The following RYR3 variants were observed in gnomAD, a reference collection of about 807,000 sequenced individuals.
RYR3 encodes brain ryanodine receptor-calcium release channel.
RYR3 carries 207 observed loss-of-function variants against 584.3 expected under a neutral mutation model. The observed-to-expected ratio is 0.35, with a 90% CI of 0.32 to 0.40. The LOEUF is 0.40. Ranked by LOEUF, RYR3 falls within the 10% of genes least tolerant of loss-of-function variation. The pLI is 1.00. For missense variants in RYR3, 5,616 were observed against 6,089.2 expected (o/e 0.92, Z 2.59); for synonymous variants, 2,416 against 2,248.5 (o/e 1.07, Z -2.11).
intron 36 of RYR3, 65 bp downstream of exon 36, chr15:33,663,802 C>T: frequency 7.3e-7 from 1 of 1,372,172 alleles, no homozygotes; most frequent in South Asian, 1.3e-5. Context: ...TGGAACAGGG[C>T]ACATGAAACC....
At chr15:33,597,533 C>T (rs188090102) in intron 16 of RYR3, among the ~76,000 whole-genome samples, 3 of 151,256 alleles carry the variant, frequency 2.0e-5, no homozygotes, top group Non-Finnish European at 2.9e-5. Context: ...ACCGCTTGAA[C>T]CCGGGAGGCG....
At chr15:33,728,065 TA>T (rs2068616926) in intron 46 of RYR3, among the ~76,000 whole-genome samples, 1 of 152,236 alleles carries the variant, frequency 6.6e-6, no homozygotes. Context: ...ATTTATGATG[TA>T]ATAACTACAG....
chr15:33,660,141 G>A, intron 33 of RYR3, 56 bp from the exon 34 acceptor site: 4 of 1,211,430 alleles, frequency 3.3e-6, no homozygotes, highest in Non-Finnish European at 4.7e-6. Context: ...AAATGTCTGG[G>A]TGCGTCATCC....
chr15:33,811,565 T>C (rs1040902456), intron 72 of RYR3, among the ~76,000 whole-genome samples: 1 of 151,970 alleles, frequency 6.6e-6, no homozygotes, highest in African/African-American at 2.4e-5. Flanking sequence ...GTTTGTTTGT[T>C]TGTTTGTTTG....
At chr15:33,604,614 T>G (rs948573053) in intron 18 of RYR3, among the ~76,000 whole-genome samples, 3 of 152,194 alleles carry the variant, frequency 2.0e-5, no homozygotes, top group African/African-American at 7.2e-5. Context: ...GGTCCTGACA[T>G]AAGTGGATTC....
intron 1 of RYR3, among the ~76,000 whole-genome samples, chr15:33,358,946 T>TTCA (rs1974366533): frequency 6.6e-6 from 1 of 152,224 alleles, no homozygotes; most frequent in South Asian, 2.1e-4. Context: ...TAAGCACTAT[T>TTCA]TCATGTGCTT....
At chr15:33,754,563 G>A (rs1458098717) in intron 57 of RYR3, among the ~76,000 whole-genome samples, 2 of 152,124 alleles carry the variant, frequency 1.3e-5, no homozygotes, top group Non-Finnish European at 2.9e-5. Flanking sequence ...CTCCCAGTGA[G>A]ACCAACCCTG....
chr15:33,379,666 C>CTCTCT (rs2041019669), intron 1 of RYR3, among the ~76,000 whole-genome samples: 1 of 129,336 alleles, frequency 7.7e-6, no homozygotes, highest in African/African-American at 3.4e-5. Context: ...TGTGTGTGTC[C>CTCTCT]CTCTCTCTCT....
chr15:33,600,076 T>G (rs2059584042), intron 16 of RYR3, among the ~76,000 whole-genome samples: 1 of 152,206 alleles, frequency 6.6e-6, no homozygotes, highest in Admixed American at 6.5e-5. Flanking sequence ...AATTAGCCTC[T>G]GGATTTCAAG....
At chr15:33,834,285 A>AACACACACACACACACACACACACAC (rs61059288) in intron 86 of RYR3, among the ~76,000 whole-genome samples, 2 of 136,870 alleles carry the variant, frequency 1.5e-5, no homozygotes, top group Non-Finnish European at 1.6e-5. Context: ...ATCTGTCTTA[A>AACACACACACACACACACACACACAC]ACACACACAC....
At chr15:33,790,663 T>C (rs145737441) in intron 67 of RYR3, among the ~76,000 whole-genome samples, 193 of 152,166 alleles carry the variant, frequency 1.3e-3, no homozygotes, top group African/African-American at 4.3e-3. Flanking sequence ...GCATATAAGA[T>C]TCAGAGTTCA....
chr15:33,523,995 T>C (rs541237570), intron 3 of RYR3, among the ~76,000 whole-genome samples: 2 of 152,258 alleles, frequency 1.3e-5, no homozygotes, highest in South Asian at 4.1e-4. Flanking sequence ...GGTAAAGTCG[T>C]TTCCTGAGGA....
At chr15:33,575,924 G>A (rs911497813) in intron 12 of RYR3, among the ~76,000 whole-genome samples, 1 of 151,780 alleles carries the variant, frequency 6.6e-6, no homozygotes, top group Non-Finnish European at 1.5e-5. Flanking sequence ...ATGATAAAGG[G>A]GATATTAGCA....
chr15:33,833,729 T>C (rs368437249), intron 86 of RYR3, among the ~76,000 whole-genome samples: 54 of 152,316 alleles, frequency 3.5e-4, no homozygotes, highest in African/African-American at 1.3e-3. Flanking sequence ...AAGAATCTAA[T>C]GGTTTCTAGG....
chr15:33,551,285 A>C (rs1043424677), intron 10 of RYR3, among the ~76,000 whole-genome samples: 8 of 152,182 alleles, frequency 5.3e-5, no homozygotes, highest in Admixed American at 5.2e-4. Flanking sequence ...CGTCACCTTT[A>C]GTTTCATTCT....
intron 42 of RYR3, among the ~76,000 whole-genome samples, chr15:33,702,938 G>A (rs1230990327): frequency 1.3e-5 from 2 of 152,066 alleles, no homozygotes; most frequent in African/African-American, 2.4e-5. Flanking sequence ...AACGTGGGGT[G>A]GCTCAAAGAA....
At chr15:33,445,944 G>A (rs892372586) in intron 1 of RYR3, among the ~76,000 whole-genome samples, 13 of 152,068 alleles carry the variant, frequency 8.5e-5, no homozygotes, top group African/African-American at 2.7e-4. Context: ...CCTGAGACGC[G>A]TTAGTAGGAA....
intron 19 of RYR3, among the ~76,000 whole-genome samples, chr15:33,623,208 G>T (rs925692758): frequency 6.6e-6 from 1 of 152,342 alleles, no homozygotes; most frequent in South Asian, 2.1e-4. Context: ...CCTCCTCACA[G>T]CCGCCCCCAT....
Position 33,603,232 on chromosome 15 carries a change from A to G in RYR3, c.2032A>G (p.Thr678Ala). 1 of 1,613,872 alleles carries G rather than the reference A, an allele frequency of 6.2e-7. No homozygotes were observed. The change falls in exon 18 of 104, where the codon ACA (threonine) becomes GCA (alanine). Residue 678 changes from threonine to alanine, a missense_variant. Physicochemically the swap from Thr to Ala is moderately conservative, Grantham distance 58. Coordinates refer to ENST00000634891, the MANE Select transcript of RYR3 (RefSeq NM_001036.6). ...QVDPFLTAEP[T>A]HLRVGWASSS... Reference sequence around the variant, plus strand: ...GGACCCCTTCCTAACAGCAGAGCCCACACATCTGCGGGTGGGCTGGGCCTC... The same window carrying G: ...GGACCCCTTCCTAACAGCAGAGCCCGCACATCTGCGGGTGGGCTGGGCCTC...
Sources: allele counts gnomAD v4.1 joint callset (sites outside exome capture counted in the v4.1 genomes callset), GRCh38; gene constraint gnomAD v4.1.1; transcripts MANE v1.5; gene names NCBI Gene and HGNC (gene_info 2026-07-23, HGNC 2026-07-21).